Variants in DCTD observed in about 807,000 individuals in gnomAD.
DCTD encodes deoxycytidylate deaminase.
DCTD carries 23 observed loss-of-function variants against 21.0 expected under a neutral mutation model. The ratio of observed to expected loss-of-function variants is 1.09; its 90% confidence interval spans 0.79 to 1.55. The LOEUF is 1.55. DCTD is among the 40% of genes most tolerant of loss of function. The pLI, the probability that DCTD is intolerant of heterozygous loss-of-function variation, is 0.00. For synonymous variants in DCTD, 71 were observed against 81.1 expected, an observed-to-expected ratio of 0.88 and a Z score of 0.67; for missense variants, 224 against 230.0, an observed-to-expected ratio of 0.97 and a Z score of 0.17.
At chr4:182,909,517 G>A (rs968853719) in intron 3 of DCTD, among the ~76,000 whole-genome samples, 1 of 152,230 alleles carries the variant, frequency 6.6e-6, no homozygotes, top group African/African-American at 2.4e-5. Flanking sequence ...GGAGCGGCAG[G>A]AAGCTTTAAG....
intron 1 of DCTD, chr4:182,916,361 TTCAAAAG>T: frequency 1.0e-6 from 1 of 985,170 alleles, no homozygotes; most frequent in Non-Finnish European, 1.2e-6. Context: ...AGTGGTCGCT[TTCAAAAG>T]GAATGAAACA....
At chr4:182,908,852 C>T (rs1737205312) in intron 3 of DCTD, among the ~76,000 whole-genome samples, 1 of 152,078 alleles carries the variant, frequency 6.6e-6, no homozygotes, top group Non-Finnish European at 1.5e-5. Context: ...TTCAACAAAC[C>T]TTTTATCTTG....
At chr4:182,907,641 A>G (rs1268738344) in intron 3 of DCTD, among the ~76,000 whole-genome samples, 3 of 152,108 alleles carry the variant, frequency 2.0e-5, no homozygotes, top group African/African-American at 7.2e-5. Context: ...TAATTTATCC[A>G]TATGTACACA....
At chr4:182,895,906 G>A (rs147422674) in intron 3 of DCTD, among the ~76,000 whole-genome samples, 350 of 152,278 alleles carry the variant, frequency 2.3e-3, no homozygotes, top group Non-Finnish European at 4.1e-3. Context: ...GACAAGTTCC[G>A]GAAGCACTGC....
Position 182,915,017 on chromosome 4 carries a change from C to T in DCTD, c.150G>A (p.Gly50=), listed in dbSNP as rs766721214. 1.9e-6 allele frequency: 3 copies of T among 1,614,232 alleles called. No homozygotes were observed. The highest frequency in any genetic ancestry group is 2.2e-5 in the South Asian group (2 of 91,086). ...CIVNSENKIV[G]IGYNGMPNGC... is the part of the protein sequence containing the mutation. ...CATTTGGCATCCCATTGTACCCAAT[C>T]CCGACAATCTTGTTTTCTGAATTCA... is the stretch of plus-strand genomic sequence containing the variant. The change falls in exon 3 of 6, where the codon GGG becomes GGA. Residue 50 remains glycine (G), a synonymous_variant. Transcript: ENST00000438320.
chr4:182,904,386 G>A (rs892180671), intron 3 of DCTD, among the ~76,000 whole-genome samples: 4 of 152,318 alleles, frequency 2.6e-5, no homozygotes, highest in South Asian at 4.1e-4. Context: ...CCTAAAATGC[G>A]TGACAACAGC....
chr4:182,896,667 C>G (rs1016577956), intron 3 of DCTD, among the ~76,000 whole-genome samples: 2 of 152,148 alleles, frequency 1.3e-5, no homozygotes, highest in African/African-American at 4.8e-5. Flanking sequence ...TGGAGGGGCT[C>G]CCGTGACCTC....
intron 3 of DCTD, among the ~76,000 whole-genome samples, chr4:182,899,417 G>A (rs1303117567): frequency 1.1e-5 from 1 of 91,804 alleles, no homozygotes; most frequent in Admixed American, 9.3e-5. Flanking sequence ...TTTTTTTTTA[G>A]ATGGAGTTTT....
At chr4:182,895,069 T>C (rs552841684) in intron 3 of DCTD, among the ~76,000 whole-genome samples, 2 of 152,320 alleles carry the variant, frequency 1.3e-5, no homozygotes, top group African/African-American at 2.4e-5. Flanking sequence ...TCAGCCCACA[T>C]ACGCACAAGG....
intron 3 of DCTD, among the ~76,000 whole-genome samples, chr4:182,898,696 T>TA (rs2152856786): frequency 6.6e-6 from 1 of 152,316 alleles, no homozygotes; most frequent in Admixed American, 6.5e-5. Context: ...ACTTAGTCCT[T>TA]AGTCTAGAGA....
At chr4:182,892,576 C>T (rs1424410142) in intron 5 of DCTD, among the ~76,000 whole-genome samples, 2 of 152,068 alleles carry the variant, frequency 1.3e-5, no homozygotes, top group Non-Finnish European at 2.9e-5. Context: ...TTGCAGTGAG[C>T]CAGGATCGCA....
rs1733680807 is a variant in DCTD at position 182,891,199 on chromosome 4, C to A, written c.*200G>T. The A allele has an allele frequency of 5.7e-6, 3 of 525,904 alleles. No homozygotes were observed. The South Asian group carries it at 9.0e-5, about 16-fold the overall frequency. The allele number at this position is 525,904 out of a possible 1,614,324, so 32.6% of individuals were successfully genotyped here. ...CACCACAGGCTCCCCTATTTTAAACCCTAAAGCAATAGTTCAAACACATGT... is the reference window on the plus strand; with the variant it reads ...CACCACAGGCTCCCCTATTTTAAACACTAAAGCAATAGTTCAAACACATGT... On this transcript the variant is annotated 3_prime_UTR_variant, in exon 6 of 6. Coordinates refer to ENST00000438320, the MANE Select transcript of DCTD (RefSeq NM_001921.3).
At position 182,917,272 on chromosome 4, in the gene DCTD, C is replaced by A; in HGVS notation, c.-8+39G>T. On this transcript the variant is annotated intron_variant, in intron 1 of 5. Coordinates refer to ENST00000438320, the MANE Select transcript of DCTD (RefSeq NM_001921.3). The surrounding 1 kb of genome is among the most constrained non-coding windows in gnomAD (Gnocchi z 4.9). ...GGTGCCACGCGGCGGTGGCTAGGGG[C>A]GCGCGGGCCGCGTACCCGCACGGCT... The A allele has an allele frequency of 2.9e-6, 3 of 1,031,348 alleles. No individual in the cohort carries two copies. The highest frequency in any genetic ancestry group is 5.7e-5 in the Admixed American group (1 of 17,496). 63.9% of individuals were successfully genotyped at this position (1,031,348 alleles called of 1,614,324 possible).
rs747069052 is a variant in DCTD, at chr4:182,893,014, G to A, written c.458+17C>T. The A allele has an allele frequency of 4.2e-5, 62 of 1,465,158 alleles. No homozygotes were observed. The highest frequency in any genetic ancestry group is 2.9e-4 in the African/African-American group (21 of 71,254). The allele number at this position is 1,465,158 out of a possible 1,614,324, so 90.8% of individuals were successfully genotyped here. A position where few individuals can be genotyped will look rare whatever the true frequency, so the allele number is the denominator to read the frequency against. Reference sequence around the variant, plus strand: ...TTCACCCTACCCCGTCCCCCCGCCCGCATTCTCCCCACTTACCGGAATGTC... The same window carrying A: ...TTCACCCTACCCCGTCCCCCCGCCCACATTCTCCCCACTTACCGGAATGTC... On this transcript the variant is annotated intron_variant, in intron 5 of 5. Coordinates refer to ENST00000438320, the MANE Select transcript of DCTD (RefSeq NM_001921.3).
intron 3 of DCTD, among the ~76,000 whole-genome samples, chr4:182,898,365 G>A (rs1249112180): frequency 6.6e-6 from 1 of 152,228 alleles, no homozygotes; most frequent in East Asian, 1.9e-4. Context: ...GAAGCCGGAT[G>A]ACCTTCGACA....
At chr4:182,894,693 G>T in intron 3 of DCTD, 88 bp from the exon 4 acceptor site, 1 of 822,078 alleles carries the variant, frequency 1.2e-6, no homozygotes, top group Non-Finnish European at 2.1e-6. Flanking sequence ...TCCCCCCTCT[G>T]AAATAACATA....
intron 3 of DCTD, among the ~76,000 whole-genome samples, chr4:182,912,195 C>A (rs1435158137): frequency 4.0e-5 from 6 of 148,844 alleles, no homozygotes; most frequent in African/African-American, 1.5e-4. Context: ...TATCAGCAAA[C>A]ATTTCTGTGA....
chr4:182,893,227 G>T (rs944886514), intron 4 of DCTD, 100 bp from the exon 5 acceptor site: 11 of 739,894 alleles, frequency 1.5e-5, no homozygotes, highest in Non-Finnish European at 4.9e-6. Context: ...TATGATTAAT[G>T]ACCTTTTCTG....
chr4:182,898,701 T>C (rs527335992), intron 3 of DCTD, among the ~76,000 whole-genome samples: 1 of 152,348 alleles, frequency 6.6e-6, no homozygotes, highest in African/African-American at 2.4e-5. Context: ...GTCCTTAGTC[T>C]AGAGAGGTCA....
Sources: allele counts gnomAD v4.1 joint callset (sites outside exome capture counted in the v4.1 genomes callset), GRCh38; gene constraint gnomAD v4.1.1; non-coding constraint Gnocchi (gnomAD v3.1); transcripts MANE v1.5; gene names NCBI Gene and HGNC (gene_info 2026-07-23, HGNC 2026-07-21).